PLPPR5: variants seen among roughly 807,000 people sequenced by gnomAD.
PLPPR5 encodes phospholipid phosphatase related 5.
A neutral mutation model predicts 33.9 loss-of-function variants in PLPPR5; 16 were observed. That is an observed-to-expected ratio of 0.47 (90% CI 0.32 to 0.72). PLPPR5 has a LOEUF of 0.72. Ranked by LOEUF, PLPPR5 falls within the 30% of genes least tolerant of loss-of-function variation. PLPPR5 has a pLI of 0.03. For synonymous variants in PLPPR5, 163 were observed against 150.3 expected, an observed-to-expected ratio of 1.08 and a Z score of -0.62; for missense variants, 301 against 406.7, an observed-to-expected ratio of 0.74 and a Z score of 2.23.
chr1:98,924,467 A>G (rs867462538), intron 3 of PLPPR5, among the ~76,000 whole-genome samples: 13 of 152,346 alleles, frequency 8.5e-5, no homozygotes, highest in African/African-American at 1.9e-4. Flanking sequence ...GTCAGAAACT[A>G]AAGACAGGAG....
chr1:98,937,513 T>G (rs1262994132), intron 3 of PLPPR5, among the ~76,000 whole-genome samples: 1 of 152,096 alleles, frequency 6.6e-6, no homozygotes, highest in Admixed American at 6.6e-5. Context: ...TGGAGTTCTG[T>G]AGGAAGCTGC....
intron 5 of PLPPR5, among the ~76,000 whole-genome samples, chr1:98,907,315 C>T (rs1648943527): frequency 6.6e-6 from 1 of 150,862 alleles, no homozygotes; most frequent in Middle Eastern, 3.2e-3. Flanking sequence ...GATTCTCCTG[C>T]TTCAGCTTCC....
At chr1:98,908,225 T>A (rs1485919687) in intron 5 of PLPPR5, among the ~76,000 whole-genome samples, 2 of 152,192 alleles carry the variant, frequency 1.3e-5, no homozygotes, top group Non-Finnish European at 2.9e-5. Flanking sequence ...TGTACAGCAC[T>A]GTAGTTCTTT....
At chr1:99,003,056 C>CATATATATATATAT (rs59686592) in intron 1 of PLPPR5, among the ~76,000 whole-genome samples, 5 of 81,120 alleles carry the variant, frequency 6.2e-5, no homozygotes, top group Non-Finnish European at 9.0e-5. Flanking sequence ...ACTTATTTTA[C>CATATATATATATAT]ATATATATAT....
In PLPPR5 at chr1:98,970,428, A is replaced by C. The variant is rs896766395; in HGVS notation, c.238-13687T>G. Reference sequence around the variant, plus strand: ...ATGGGTTGAATTTATTATGCAAGCCAATTTAAGGGTTTCTAATACACAATG... The same window carrying C: ...ATGGGTTGAATTTATTATGCAAGCCCATTTAAGGGTTTCTAATACACAATG... On this transcript the variant is annotated intron_variant, in intron 1 of 5. Transcript: ENST00000263177. 1.2e-4 allele frequency among the ~76,000 whole-genome samples: 19 copies of C among 152,038 alleles called. 1 individual carries two copies. The highest frequency in any genetic ancestry group is 1.2e-3 in the Admixed American group (18 of 15,242).
rs139805247 is a variant in PLPPR5, at chr1:98,929,837, A to G, written c.622-7779T>C. Among the ~76,000 whole-genome samples, 48 of 152,334 alleles carry G rather than the reference A, an allele frequency of 3.2e-4. No homozygotes were observed. The East Asian group carries it at 7.7e-3, about 24-fold the overall frequency. Reference sequence around the variant, plus strand: ...ACACTTTTGCTTGACATTATCATCTATGAAATCAAGAACCACACATATTCA... The same window carrying G: ...ACACTTTTGCTTGACATTATCATCTGTGAAATCAAGAACCACACATATTCA... On this transcript the variant is annotated intron_variant, in intron 3 of 5. Transcript: ENST00000263177.
chr1:98,952,307 G>A (rs1027677667), intron 3 of PLPPR5, among the ~76,000 whole-genome samples: 1 of 151,234 alleles, frequency 6.6e-6, no homozygotes, highest in Non-Finnish European at 1.5e-5. Flanking sequence ...ATTGGGGTTT[G>A]TGGAAAAGCC....
At chr1:98,948,211 A>G (rs2101203602) in intron 3 of PLPPR5, among the ~76,000 whole-genome samples, 1 of 152,302 alleles carries the variant, frequency 6.6e-6, no homozygotes, top group South Asian at 2.1e-4. Context: ...GTCTCAAAAG[A>G]AGAGAGGGGC....
rs758460148 is a variant in PLPPR5 at position 98,953,157 on chromosome 1, A to C, written c.534T>G (p.Thr178=). 6.2e-7 allele frequency: 1 copy of C among 1,614,152 alleles called. No homozygotes were observed. Among genetic ancestry groups the C allele is most frequent in the South Asian group, 1.1e-5 (1 of 91,082 alleles). ...CTCTCATGATGAGATCTGGGTTGCCAGTACAGGCCTCTTCCCCACTGATGA... is the reference window on the plus strand; with the variant it reads ...CTCTCATGATGAGATCTGGGTTGCCCGTACAGGCCTCTTCCCCACTGATGA... ...TQFISGEEAC[T]GNPDLIMRAR... Residue 178 remains threonine, a synonymous_variant, in exon 3 of 6, where the codon ACT becomes ACG. Transcript: ENST00000263177.
chr1:98,911,849 T>C (rs1294943502), intron 5 of PLPPR5, among the ~76,000 whole-genome samples: 2 of 152,062 alleles, frequency 1.3e-5, no homozygotes, highest in Non-Finnish European at 2.9e-5. Context: ...AGCCTTGAAC[T>C]CCTGGGCTCA....
chr1:98,988,934 T>C (rs1348763122), intron 1 of PLPPR5, among the ~76,000 whole-genome samples: 1 of 152,142 alleles, frequency 6.6e-6, no homozygotes, highest in Non-Finnish European at 1.5e-5. Context: ...ACCCAGCACG[T>C]AACTTTAGCA....
At chr1:98,908,459 TG>T (rs2101144405) in intron 5 of PLPPR5, among the ~76,000 whole-genome samples, 1 of 152,304 alleles carries the variant, frequency 6.6e-6, no homozygotes, top group African/African-American at 2.4e-5. Flanking sequence ...GTCAGAAATT[TG>T]TTTCTTGGAC....
intron 5 of PLPPR5, among the ~76,000 whole-genome samples, chr1:98,909,262 CT>C (rs1431733546): frequency 5.6e-5 from 6 of 107,070 alleles, no homozygotes; most frequent in Non-Finnish European, 8.0e-5. Context: ...TCCCTTCCCC[CT>C]CCCTCCCTTC....
At chr1:98,977,380 ATCACAATGGAGTCAAC>A (rs1651900486) in intron 1 of PLPPR5, among the ~76,000 whole-genome samples, 1 of 151,802 alleles carries the variant, frequency 6.6e-6, no homozygotes, top group Non-Finnish European at 1.5e-5. Context: ...AAACAAACAG[ATCACAATGGAGTCAAC>A]TCACAAAATT....
intron 1 of PLPPR5, among the ~76,000 whole-genome samples, chr1:98,974,641 C>A (rs1360262331): frequency 1.3e-5 from 2 of 152,052 alleles, no homozygotes; most frequent in Non-Finnish European, 2.9e-5. Flanking sequence ...TCTCTCTGAT[C>A]TCTGAAAACT....
chr1:98,945,259 T>A (rs891250834), intron 3 of PLPPR5, among the ~76,000 whole-genome samples: 16 of 152,210 alleles, frequency 1.1e-4, no homozygotes, highest in African/African-American at 3.9e-4. Flanking sequence ...TAAAATCCAA[T>A]AATCAAGACT....
intron 1 of PLPPR5, among the ~76,000 whole-genome samples, chr1:98,981,185 C>T (rs1012810838): frequency 6.6e-6 from 1 of 152,060 alleles, no homozygotes; most frequent in South Asian, 2.1e-4. Flanking sequence ...GATTTAGAGG[C>T]CCCATTTTGC....
chr1:98,955,289 A>G (rs2101217039), intron 2 of PLPPR5, among the ~76,000 whole-genome samples: 1 of 152,260 alleles, frequency 6.6e-6, no homozygotes, highest in South Asian at 2.1e-4. Context: ...TTTGAGCCAA[A>G]TATTCTTTAG....
chr1:98,915,161 AC>A (rs1649299026), intron 4 of PLPPR5, among the ~76,000 whole-genome samples: 1 of 152,192 alleles, frequency 6.6e-6, no homozygotes, highest in South Asian at 2.1e-4. Context: ...TATGTAGCTC[AC>A]TTAATTATGA....
Sources: gnomAD v4.1 joint callset for allele counts (sites outside exome capture counted in the v4.1 genomes callset) on GRCh38, gnomAD v4.1.1 for gene constraint, MANE v1.5 for transcripts, NCBI Gene and HGNC (gene_info 2026-07-23, HGNC 2026-07-21) for gene names.